The following AGMO variants were observed in gnomAD, a reference collection of about 807,000 sequenced individuals.
AGMO encodes the protein glyceryl-ether monooxygenase.
In AGMO, 75 loss-of-function variants were observed where a neutral mutation model predicts 60.2. The ratio of observed to expected loss-of-function variants is 1.25; its 90% CI spans 1.03 to 1.51. AGMO has a LOEUF of 1.51. AGMO is among the 40% of genes most tolerant of loss of function. The pLI is 0.00. For missense variants in AGMO, 763 were observed against 525.5 expected (o/e 1.45, Z -4.42); for synonymous variants, 261 against 177.1 (o/e 1.47, Z -3.76).
intron 12 of AGMO, among the ~76,000 whole-genome samples, chr7:15,362,559 A>G (rs190568824): frequency 7.2e-5 from 11 of 152,328 alleles, no homozygotes; most frequent in Non-Finnish European, 1.2e-4. Flanking sequence ...TGAATTAAAT[A>G]CTGTTTTAAC....
At chr7:15,284,755 A>G (rs1031948024) in intron 12 of AGMO, among the ~76,000 whole-genome samples, 8 of 151,922 alleles carry the variant, frequency 5.3e-5, no homozygotes, top group Non-Finnish European at 8.8e-5. Flanking sequence ...ACACTAGGAA[A>G]GTATATAACA....
chr7:15,467,706 T>C (rs962987307), intron 3 of AGMO, among the ~76,000 whole-genome samples: 1 of 152,182 alleles, frequency 6.6e-6, no homozygotes, highest in African/African-American at 2.4e-5. Context: ...ATCTGTATTT[T>C]TGGAATATTA....
chr7:15,340,310 T>C (rs1382195408), intron 12 of AGMO, among the ~76,000 whole-genome samples: 1 of 152,216 alleles, frequency 6.6e-6, no homozygotes, highest in East Asian at 1.9e-4. Flanking sequence ...ATCATATCAG[T>C]ACTCAAAGTT....
intron 10 of AGMO, among the ~76,000 whole-genome samples, chr7:15,381,099 C>T (rs1783666600): frequency 6.6e-6 from 1 of 152,052 alleles, no homozygotes. Context: ...TAGGCAATAC[C>T]ATTCAGGACA....
intron 3 of AGMO, among the ~76,000 whole-genome samples, chr7:15,531,894 C>G (rs1330798655): frequency 6.6e-6 from 1 of 151,820 alleles, no homozygotes; most frequent in African/African-American, 2.4e-5. Flanking sequence ...GTCTCGAACT[C>G]TTGACCTCAA....
chr7:15,221,499 G>A (rs1781921102), intron 12 of AGMO, among the ~76,000 whole-genome samples: 1 of 152,060 alleles, frequency 6.6e-6, no homozygotes, highest in Non-Finnish European at 1.5e-5. Context: ...CAATAGTGGT[G>A]ACTATAGACG....
chr7:15,179,637 T>C, the AGMO span, among the ~76,000 whole-genome samples: 1 of 152,144 alleles, frequency 6.6e-6, no homozygotes, highest in African/African-American at 2.4e-5. Flanking sequence ...CTTGTAACTC[T>C]ACATTTCTGG....
At chr7:15,426,205 AT>A (rs1781056783) in intron 4 of AGMO, among the ~76,000 whole-genome samples, 1 of 152,174 alleles carries the variant, frequency 6.6e-6, no homozygotes, top group African/African-American at 2.4e-5. Context: ...TTTAGCAAAA[AT>A]ATTTCCATTG....
At chr7:15,322,231 T>C (rs1781127687) in intron 12 of AGMO, among the ~76,000 whole-genome samples, 1 of 148,652 alleles carries the variant, frequency 6.7e-6, no homozygotes, top group African/African-American at 2.5e-5. Context: ...ATATATAATA[T>C]AATGTAATAT....
In AGMO at chr7:15,544,870, T is replaced by C; in HGVS notation, c.311A>G (p.Tyr104Cys). 3 of 1,602,246 alleles carry C rather than the reference T, an allele frequency of 1.9e-6. No homozygotes were observed. Among genetic ancestry groups the C allele is most frequent in the Non-Finnish European group, 2.6e-6 (3 of 1,173,502 alleles). Residue 104 changes from tyrosine (Y) to cysteine (C), a missense_variant, in exon 3 of 13, where the codon TAC becomes TGC. Tyr to Cys is a radical substitution (Grantham distance 194). Transcript: ENST00000342526. ...ATCCCAAGGCAAATTGAACAGCCTG[T>C]AGTTCTCCCAGATATAAATATAACT... ...LTSYIYIWEN[Y>C]RLFNLPWDSP...
chr7:15,214,852 G>C (rs1468218691), intron 12 of AGMO, among the ~76,000 whole-genome samples: 1 of 151,974 alleles, frequency 6.6e-6, no homozygotes, highest in African/African-American at 2.4e-5. Flanking sequence ...TTAATACACA[G>C]AAGAATATTT....
chr7:15,123,960 A>G, the AGMO span, among the ~76,000 whole-genome samples: 1 of 152,118 alleles, frequency 6.6e-6, no homozygotes, highest in African/African-American at 2.4e-5. Context: ...AATCTGTATC[A>G]GTACCATCTC....
At chr7:15,246,562 T>C (rs1423522153) in intron 12 of AGMO, among the ~76,000 whole-genome samples, 1 of 152,158 alleles carries the variant, frequency 6.6e-6, no homozygotes, top group Non-Finnish European at 1.5e-5. Context: ...GCCCCAAATA[T>C]ACATCCCCAT....
At chr7:15,257,475 A>G (rs770018236) in intron 12 of AGMO, among the ~76,000 whole-genome samples, 71 of 152,324 alleles carry the variant, frequency 4.7e-4, no homozygotes, top group Middle Eastern at 6.8e-3. Context: ...GCCATAGTAA[A>G]GAAGCAAATT....
intron 12 of AGMO, among the ~76,000 whole-genome samples, chr7:15,277,034 G>A (rs1365646686): frequency 6.6e-6 from 1 of 151,784 alleles, no homozygotes; most frequent in African/African-American, 2.4e-5. Flanking sequence ...TTTGCTGGGT[G>A]TGGTGGCGCA....
chr7:15,506,814 A>T (rs2128528116), intron 3 of AGMO, among the ~76,000 whole-genome samples: 1 of 151,762 alleles, frequency 6.6e-6, no homozygotes, highest in South Asian at 2.1e-4. Flanking sequence ...AGACACACAG[A>T]GAGAGAGAGA....
intron 3 of AGMO, among the ~76,000 whole-genome samples, chr7:15,475,205 G>A (rs1461505786): frequency 1.3e-5 from 2 of 152,048 alleles, no homozygotes; most frequent in Non-Finnish European, 2.9e-5. Flanking sequence ...TATACCCAAA[G>A]GATTATAAAT....
chr7:15,238,772 A>G (rs1782501501), intron 12 of AGMO, among the ~76,000 whole-genome samples: 2 of 152,056 alleles, frequency 1.3e-5, no homozygotes, highest in Admixed American at 1.3e-4. Flanking sequence ...ATTCTATTAC[A>G]ATAAATAAAA....
At chr7:15,251,515 C>A (rs1782937974) in intron 12 of AGMO, among the ~76,000 whole-genome samples, 1 of 152,186 alleles carries the variant, frequency 6.6e-6, no homozygotes, top group African/African-American at 2.4e-5. Context: ...CCACTGGAAA[C>A]AAAACTGTCA....
Sources: allele counts gnomAD v4.1 joint callset (sites outside exome capture counted in the v4.1 genomes callset), GRCh38; gene constraint gnomAD v4.1.1; transcripts MANE v1.5; gene names NCBI Gene and HGNC (gene_info 2026-07-23, HGNC 2026-07-21).